Variants in F8 observed in about 807,000 individuals in gnomAD.
F8 encodes coagulation factor VIII, also known as antihemophilic factor.
F8 carries 12 observed loss-of-function variants against 140.6 expected under a neutral mutation model. The observed-to-expected ratio is 0.09, with a 90% CI of 0.05 to 0.14. The LOEUF is 0.14. F8 is among the 10% of genes least tolerant of loss of function. The probability of loss-of-function intolerance (pLI) is 1.00; values close to 1 mark genes in which losing one functional copy is unlikely to be tolerated. For synonymous variants in F8, 585 were observed against 614.6 expected, an observed-to-expected ratio of 0.95 and a Z score of 0.71; for missense variants, 1,354 against 1,720.7, an observed-to-expected ratio of 0.79 and a Z score of 3.77.
At chrX:154,850,723 G>A (rs2072609543) in intron 25 of F8, among the ~76,000 whole-genome samples, 1 of 111,071 alleles carries the variant, frequency 9.0e-6, no homozygotes. Flanking sequence ...TTGCTTTAAC[G>A]CATAAAAGAT....
chrX:154,938,481 T>C (rs892234452), intron 13 of F8, among the ~76,000 whole-genome samples: 5 of 112,043 alleles, frequency 4.5e-5, no homozygotes, highest in Non-Finnish European at 9.4e-5. Flanking sequence ...ATCAGACTTC[T>C]AGAAGAAAAT....
At chrX:154,945,993 T>C (rs907229981) in intron 13 of F8, among the ~76,000 whole-genome samples, 37 of 111,545 alleles carry the variant, frequency 3.3e-4, no homozygotes, top group African/African-American at 1.1e-3. Flanking sequence ...TTACAATAGC[T>C]ATAATAAAAA....
At chrX:154,865,425 T>C (rs2072724398) in intron 22 of F8, among the ~76,000 whole-genome samples, 1 of 111,060 alleles carries the variant, frequency 9.0e-6, no homozygotes, top group Non-Finnish European at 1.9e-5. Context: ...ACATAGACTA[T>C]TGTAACACTA....
intron 13 of F8, among the ~76,000 whole-genome samples, chrX:154,932,197 C>T (rs2073202021): frequency 9.0e-6 from 1 of 111,585 alleles, no homozygotes; most frequent in Admixed American, 9.5e-5. Flanking sequence ...TAGTATCTAC[C>T]CCATCATATA....
chrX:154,914,842 T>C (rs2073087026), intron 14 of F8, among the ~76,000 whole-genome samples: 1 of 111,753 alleles, frequency 8.9e-6, no homozygotes, highest in Non-Finnish European at 1.9e-5. Flanking sequence ...AACTGTTCCA[T>C]CCTCTGCCTG....
At chrX:154,871,082 T>C (rs2093014232) in intron 22 of F8, among the ~76,000 whole-genome samples, 1 of 112,454 alleles carries the variant, frequency 8.9e-6, no homozygotes, top group African/African-American at 3.2e-5. Flanking sequence ...TCCATGCTCA[T>C]GGATAGGAAG....
At chrX:154,998,395 G>T (rs782313572) in intron 2 of F8, among the ~76,000 whole-genome samples, 1 of 113,123 alleles carries the variant, frequency 8.8e-6, no homozygotes, top group Non-Finnish European at 1.9e-5. Flanking sequence ...TGGAAAGGAG[G>T]GGGGAGGGTA....
At chrX:154,843,790 T>C (rs1178753488) in intron 25 of F8, among the ~76,000 whole-genome samples, 5 of 112,124 alleles carry the variant, frequency 4.5e-5, no homozygotes, top group African/African-American at 1.6e-4. Context: ...AGCTCTTTAG[T>C]TTCATTAGAT....
chrX:154,905,051 A>G (rs782199190), intron 15 of F8, 28 bp from the exon 16 acceptor site: 1 of 1,111,257 alleles, frequency 9.0e-7, no homozygotes. Flanking sequence ...CAAAAAAAAA[A>G]AAGCAAGAAT....
At chrX:155,005,151 G>T (rs2124155663) in intron 1 of F8, among the ~76,000 whole-genome samples, 1 of 111,261 alleles carries the variant, frequency 9.0e-6, no homozygotes, top group South Asian at 3.9e-4. Context: ...TTGAAACTAT[G>T]GTTGCCATCA....
intron 18 of F8, among the ~76,000 whole-genome samples, chrX:154,902,379 G>A (rs897574790): frequency 3.6e-5 from 4 of 111,572 alleles, no homozygotes; most frequent in African/African-American, 1.3e-4. Flanking sequence ...CCCAGGAGAT[G>A]AGAAACAGGG....
intron 9 of F8, among the ~76,000 whole-genome samples, chrX:154,963,520 ATG>A (rs1423079316): frequency 1.8e-5 from 2 of 111,827 alleles, no homozygotes; most frequent in African/African-American, 6.5e-5. Context: ...ATACGTGTGC[ATG>A]TGTCTTTATA....
chrX:154,991,269 G>C (rs2073586553), intron 4 of F8, among the ~76,000 whole-genome samples: 1 of 111,976 alleles, frequency 8.9e-6, no homozygotes, highest in Non-Finnish European at 1.9e-5. Flanking sequence ...CAGAGGGTTT[G>C]TCCTGGAGCT....
chrX:154,938,900 T>A (rs1199157586), intron 13 of F8, among the ~76,000 whole-genome samples: 6 of 109,875 alleles, frequency 5.5e-5, no homozygotes, highest in Middle Eastern at 4.7e-3. Flanking sequence ...TATATATATA[T>A]AAATGATATT....
At chrX:154,873,402 T>A (rs1199834068) in intron 22 of F8, among the ~76,000 whole-genome samples, 1 of 110,472 alleles carries the variant, frequency 9.1e-6, no homozygotes, top group Non-Finnish European at 1.9e-5. Flanking sequence ...ATTTTTGTAT[T>A]TTTTCAGTAG....
At chrX:154,985,229 C>T (rs941901795) in intron 5 of F8, among the ~76,000 whole-genome samples, 1 of 110,996 alleles carries the variant, frequency 9.0e-6, no homozygotes, top group Non-Finnish European at 1.9e-5. Context: ...TCAGGTCAGG[C>T]GTTTGAGAGT....
In F8 at chrX:154,904,342, A is replaced by G. The variant is rs981374815; in HGVS notation, c.5769T>C (p.Asn1923=). Residue 1923 remains asparagine (N), a synonymous_variant, in exon 17 of 26, where the codon AAT becomes AAC. Transcript: ENST00000360256. ...NMERNCRAPC[N]IQMEDPTFKE... is the part of the protein sequence containing the mutation. Reference sequence around the variant, plus strand: ...TAAAAGTGGGATCTTCCATCTGGATATTGCAGGGAGCCCTGCAGTTTCTTT... The same window carrying G: ...TAAAAGTGGGATCTTCCATCTGGATGTTGCAGGGAGCCCTGCAGTTTCTTT... 7 of 1,211,703 alleles carry G rather than the reference A, an allele frequency of 5.8e-6. No homozygotes were observed. The South Asian group carries it at 1.1e-4, about 18-fold the overall frequency.
chrX:154,910,059 G>T (rs2073057343), intron 14 of F8, among the ~76,000 whole-genome samples: 1 of 111,708 alleles, frequency 9.0e-6, no homozygotes, highest in Admixed American at 9.5e-5. Context: ...ATTTTGGTCT[G>T]TACTAAGAAA....
At chrX:154,914,402 C>T (rs1199345050) in intron 14 of F8, among the ~76,000 whole-genome samples, 2 of 112,720 alleles carry the variant, frequency 1.8e-5, no homozygotes, top group African/African-American at 3.2e-5. Context: ...GGTTGAATTT[C>T]TCCCCAGAAA....
Sources: gnomAD v4.1 joint callset for allele counts (sites outside exome capture counted in the v4.1 genomes callset) on GRCh38, gnomAD v4.1.1 for gene constraint, MANE v1.5 for transcripts, NCBI Gene and HGNC (gene_info 2026-07-23, HGNC 2026-07-21) for gene names.